GRIN2C: variants seen among roughly 807,000 people sequenced by gnomAD.
GRIN2C encodes glutamate receptor ionotropic, NMDA 2C.
In GRIN2C, 64 loss-of-function variants were observed where a neutral mutation model predicts 77.7. That is an observed-to-expected ratio of 0.82 (90% CI 0.67 to 1.01). The LOEUF (loss-of-function observed/expected upper bound fraction) is 1.01. Ranked by LOEUF, GRIN2C falls within the 50% of genes least tolerant of loss-of-function variation. GRIN2C has a pLI of 0.00. For synonymous variants in GRIN2C, 792 were observed against 643.4 expected (o/e 1.23, Z -3.49); for missense variants, 1,549 against 1,486.0 (o/e 1.04, Z -0.70).
chr17:74,852,960 C>G (rs1382408573), intron 2 of GRIN2C: 1 of 235,940 alleles, frequency 4.2e-6, no homozygotes, highest in Non-Finnish European at 8.1e-6. Flanking sequence ...GCTCTTCAGC[C>G]GATCCTTGAG....
chr17:74,843,434 G>A lies in GRIN2C; in HGVS notation c.2703C>T (p.Arg901=), dbSNP rs775045954. The A allele has an allele frequency of 5.1e-5, 79 of 1,535,714 alleles. No homozygotes were observed. The highest frequency in any genetic ancestry group is 6.1e-5 in the Non-Finnish European group (70 of 1,146,230). The stretch of plus-strand genomic sequence containing the variant: ...TTACGCCCGCCGTGGTCACCATGTC[G>A]CGGGCTGCCTGCAGCATCTTGAGCA... ...ASVLKMLQAA[R]DMVTTAGVSS... Residue 901 remains arginine, a synonymous_variant, in exon 13 of 13, where the codon CGC becomes CGT. Transcript: ENST00000293190.
chr17:74,852,301 A>G lies in GRIN2C; in HGVS notation c.710T>C (p.Phe237Ser). The G allele has an allele frequency of 7.0e-7, 1 of 1,434,388 alleles. No individual in the cohort carries two copies. The highest frequency in any genetic ancestry group is 9.1e-7 in the Non-Finnish European group (1 of 1,100,832). 88.9% of individuals were successfully genotyped at this position (1,434,388 alleles called of 1,614,324 possible). A position where few individuals can be genotyped will look rare whatever the true frequency, so the allele number is the denominator to read the frequency against. ...YCSREEAEVL[F>S]AEAAQAGLVG... ...CAGACCGGCCTGCGCCGCCTCGGCG[A>G]AGAGCACCTCGGCCTCCTCGCGCGA... Residue 237 changes from phenylalanine to serine, a missense_variant, in exon 3 of 13, where the codon TTC becomes TCC. Coordinates refer to ENST00000293190, the MANE Select transcript of GRIN2C (RefSeq NM_000835.6).
In GRIN2C at chr17:74,849,935, T is replaced by C. The variant is rs1485519774; in HGVS notation, c.1492-2A>G. On this transcript the variant is annotated splice_acceptor_variant, in intron 6 of 12. Coordinates refer to ENST00000293190, the MANE Select transcript of GRIN2C (RefSeq NM_000835.6). LOFTEE classifies it high-confidence loss of function. This position sits in a 1 kb window ranked among gnomAD's most constrained non-coding sequence, Gnocchi z 4.6. Reference sequence around the variant, plus strand: ...CATGTCTGCCCGCTTGTAGTACACCTGGGGGCCGGACGCCACGGAGGTTTG... The same window carrying C: ...CATGTCTGCCCGCTTGTAGTACACCCGGGGGCCGGACGCCACGGAGGTTTG... 3 of 1,611,638 alleles carry C rather than the reference T, an allele frequency of 1.9e-6. No individual in the cohort carries two copies. Among genetic ancestry groups the C allele is most frequent in the Non-Finnish European group, 2.5e-6 (3 of 1,179,260 alleles).
chr17:74,851,737 C>G (rs764271130), intron 3 of GRIN2C, 46 bp from the exon 4 acceptor site: 2 of 1,205,934 alleles, frequency 1.7e-6, no homozygotes, highest in East Asian at 5.1e-5. Context: ...GGACCAGGCA[C>G]CCCCTGCCTC....
rs1377291406 is a variant in GRIN2C, at chr17:74,843,331, G to A, written c.2806C>T (p.Pro936Ser). Residue 936 changes from proline to serine, a missense_variant, in exon 13 of 13, where the codon CCG becomes TCG. Coordinates refer to ENST00000293190, the MANE Select transcript of GRIN2C (RefSeq NM_000835.6). Reference protein sequence around the residue: ...GRRAPPPSPCPTPRSGPSPCL... With the variant: ...GRRAPPPSPCSTPRSGPSPCL... Reference sequence around the variant, plus strand: ...GGGCTGGGGCCAGACCGCGGGGTCGGGCAGGGGGACGGTGGGGGCGCACGG... The same window carrying A: ...GGGCTGGGGCCAGACCGCGGGGTCGAGCAGGGGGACGGTGGGGGCGCACGG... The A allele has an allele frequency of 6.7e-7, 1 of 1,490,550 alleles. No homozygotes were observed. Among genetic ancestry groups the A allele is most frequent in the Non-Finnish European group, 9.0e-7 (1 of 1,112,492 alleles). 92.3% of individuals were successfully genotyped at this position (1,490,550 alleles called of 1,614,324 possible).
At position 74,846,463 on chromosome 17, in the gene GRIN2C, T is replaced by A. The variant is rs189001050; in HGVS notation, c.2163-210A>T. On this transcript the variant is annotated intron_variant, in intron 10 of 12. Coordinates refer to ENST00000293190, the MANE Select transcript of GRIN2C (RefSeq NM_000835.6). This position sits in a 1 kb window ranked among gnomAD's most constrained non-coding sequence, Gnocchi z 4.4. ...GCAGAGTGGCCAGGGGACTGTCTGT[T>A]CCCAGAAGACACACCACCCTTTCTG... Among the ~76,000 whole-genome samples the A allele has an allele frequency of 1.6e-4, 24 of 152,240 alleles. No homozygotes were observed. In the East Asian group the frequency reaches 4.1e-3, roughly 26 times the overall value.
intron 12 of GRIN2C, 103 bp from the exon 13 acceptor site, chr17:74,843,656 T>C: frequency 7.1e-7 from 1 of 1,414,544 alleles, no homozygotes; most frequent in Non-Finnish European, 9.5e-7. Context: ...CTTCTATAAG[T>C]CTCAGGAAGT....
chr17:74,860,345 CT>C, upstream of GRIN2C: 2 of 449,192 alleles, frequency 4.5e-6, no homozygotes, highest in Admixed American at 4.8e-5. Context: ...CATCCGAGGG[CT>C]GGGGGACCGA....
Position 74,855,040 on chromosome 17 carries a change from C to A in GRIN2C, c.53G>T (p.Trp18Leu), listed in dbSNP as rs1238166854. The change falls in exon 2 of 13, where the codon TGG becomes TTG. Residue 18 changes from tryptophan to leucine, a missense_variant. Coordinates refer to ENST00000293190, the MANE Select transcript of GRIN2C (RefSeq NM_000835.6). ...ALLLTSLFGA[W>L]AGLGPGQGEQ... ...GCCCTGCCCCGGACCCAGCCCTGCC[C>A]AGGCACCGAAGAGCGAGGTGAGCAA... 1 of 1,599,818 alleles carries A rather than the reference C, an allele frequency of 6.3e-7. No individual in the cohort carries two copies. Among genetic ancestry groups the A allele is most frequent in the Non-Finnish European group, 8.5e-7 (1 of 1,178,790 alleles).
chr17:74,848,296 G>T (rs1194794266), intron 7 of GRIN2C, among the ~76,000 whole-genome samples: 1 of 152,102 alleles, frequency 6.6e-6, no homozygotes, highest in Non-Finnish European at 1.5e-5. Flanking sequence ...GTTCTGCCTG[G>T]AATCAGAGCC....
At chr17:74,844,144 G>A in intron 12 of GRIN2C, 132 bp downstream of exon 12, 1 of 1,460,366 alleles carries the variant, frequency 6.8e-7, no homozygotes, top group Admixed American at 2.6e-5. Context: ...AAAGTGTTGA[G>A]ATTACAGGTG....
At chr17:74,854,359 T>C in intron 2 of GRIN2C, 1 of 265,790 alleles carries the variant, frequency 3.8e-6, no homozygotes, top group Non-Finnish European at 7.2e-6. Context: ...TGGCACCACC[T>C]CCATGCCCGG....
At position 74,849,779 on chromosome 17, in the gene GRIN2C, C is replaced by T. The variant is rs1198711992; in HGVS notation, c.1645+1G>A. ...CCGTCTCTGCCCACCCTGGGCCTCA[C>T]CCAAGAAGGCCGAGGGGGAGACGGT... On this transcript the variant is annotated splice_donor_variant, in intron 7 of 12. Coordinates refer to ENST00000293190, the MANE Select transcript of GRIN2C (RefSeq NM_000835.6). LOFTEE classifies it high-confidence loss of function. This position sits in a 1 kb window ranked among gnomAD's most constrained non-coding sequence, Gnocchi z 4.6. 5 of 1,611,582 alleles carry T rather than the reference C, an allele frequency of 3.1e-6. No homozygotes were observed. The highest frequency in any genetic ancestry group is 4.2e-6 in the Non-Finnish European group (5 of 1,179,400).
rs576951745 is a variant in GRIN2C at position 74,850,287 on chromosome 17, T to C, written c.1410A>G (p.Lys470=). Residue 470 remains lysine (K), a synonymous_variant, in exon 6 of 13, where the codon AAA becomes AAG. Coordinates refer to ENST00000293190, the MANE Select transcript of GRIN2C (RefSeq NM_000835.6). This position sits in a 1 kb window ranked among gnomAD's most constrained non-coding sequence, Gnocchi z 5.3. ...DILKKLARVV[K]FSYDLYLVTN... is the part of the protein sequence containing the mutation. ...TCACCAGGTACAGGTCGTAGGAGAA[T>C]TTGACCACTCTGGCCAGCTTCTTGA... is the stretch of plus-strand genomic sequence containing the variant. 4 of 1,613,844 alleles carry C rather than the reference T, an allele frequency of 2.5e-6. No homozygotes were observed. The African/African-American group carries it at 5.3e-5, about 22-fold the overall frequency.
At position 74,850,581 on chromosome 17, in the gene GRIN2C, G is replaced by A. The variant is rs78647801; in HGVS notation, c.1300C>T (p.Arg434Cys). Reference sequence around the variant, plus strand: ...CTGAAGGTGTGGTTGCTCTGCCTGCGGCAGGGCACGGTGTTGGGGACACAG... The same window carrying A: ...CTGAAGGTGTGGTTGCTCTGCCTGCAGCAGGGCACGGTGTTGGGGACACAG... ...GGCVPNTVPCRRQSNHTFSSG... is the reference protein window; with the variant it reads ...GGCVPNTVPCCRQSNHTFSSG... Residue 434 changes from arginine to cysteine, a missense_variant, in exon 5 of 13, where the codon CGC becomes TGC. Physicochemically the swap from Arg to Cys is radical, Grantham distance 180. Transcript: ENST00000293190. The surrounding 1 kb of genome is among the most constrained non-coding windows in gnomAD (Gnocchi z 5.3). The A allele has an allele frequency of 1.3e-4, 213 of 1,613,552 alleles. No individual in the cohort carries two copies. The highest frequency in any genetic ancestry group is 1.6e-4 in the Non-Finnish European group (185 of 1,179,986).
At chr17:74,843,902 C>T (rs2037380168) in intron 12 of GRIN2C, 1 of 440,316 alleles carries the variant, frequency 2.3e-6, no homozygotes, top group African/African-American at 2.1e-5. Flanking sequence ...GAAACAGGAT[C>T]TCACTCTGCT....
intron 7 of GRIN2C, 136 bp from the exon 8 acceptor site, chr17:74,848,113 T>TCTGCTG: frequency 1.1e-6 from 1 of 885,708 alleles, no homozygotes. Flanking sequence ...CAAGGGGGCC[T>TCTGCTG]CTGACTCAGA....
chr17:74,842,119 T>G lies in GRIN2C; in HGVS notation c.*316A>C. ...GGGATGGCCCTGCCTCAACCACAAG[T>G]TCCAGCCTCCATGCCCACAGCAGCC... On this transcript the variant is annotated 3_prime_UTR_variant, in exon 13 of 13. Transcript: ENST00000293190. 1 of 338,044 alleles carries G rather than the reference T, an allele frequency of 3.0e-6. No homozygotes were observed. 20.9% of individuals were successfully genotyped at this position (338,044 alleles called of 1,614,324 possible).
Position 74,850,394 on chromosome 17 carries a change from C to A in GRIN2C, c.1326-23G>T, listed in dbSNP as rs772095728. On this transcript the variant is annotated intron_variant, in intron 5 of 12. Coordinates refer to ENST00000293190, the MANE Select transcript of GRIN2C (RefSeq NM_000835.6). The surrounding 1 kb of genome is among the most constrained non-coding windows in gnomAD (Gnocchi z 5.3). ...CTGCTGCAGCCATGCCGCCATGAGA[C>A]CACCGGGAGTCAGAGTATGTCGTGG... 3 of 1,605,360 alleles carry A rather than the reference C, an allele frequency of 1.9e-6. No homozygotes were observed. Among genetic ancestry groups the A allele is most frequent in the Non-Finnish European group, 1.7e-6 (2 of 1,179,428 alleles).
Sources: gnomAD v4.1 joint callset for allele counts (sites outside exome capture counted in the v4.1 genomes callset) on GRCh38, gnomAD v4.1.1 for gene constraint, Gnocchi (gnomAD v3.1) non-coding constraint, MANE v1.5 for transcripts, NCBI Gene and HGNC (gene_info 2026-07-23, HGNC 2026-07-21) for gene names.